The following TPST1 variants were observed in gnomAD, a reference collection of about 807,000 sequenced individuals.
TPST1 encodes the protein tyrosylprotein sulfotransferase 1, also known as protein-tyrosine sulfotransferase 1.
Under a neutral mutation model 34.8 loss-of-function variants are expected in TPST1, and 20 were observed. The observed-to-expected ratio is 0.57, with a 90% CI of 0.40 to 0.84. The LOEUF is 0.84. Ranked by LOEUF, TPST1 falls within the 40% of genes least tolerant of loss-of-function variation. The probability of loss-of-function intolerance (pLI) is 0.00; values close to 1 mark genes in which losing one functional copy is unlikely to be tolerated. For synonymous variants in TPST1, 152 were observed against 159.4 expected (o/e 0.95, Z 0.35); for missense variants, 353 against 455.5 (o/e 0.78, Z 2.05).
intron 2 of TPST1, among the ~76,000 whole-genome samples, chr7:66,249,903 C>G (rs538352295): frequency 2.0e-5 from 3 of 152,216 alleles, no homozygotes; most frequent in Non-Finnish European, 4.4e-5. Context: ...AGGAAGATCT[C>G]TCCAAGGCCC....
chr7:66,342,575 G>T (rs1792259141), intron 3 of TPST1, among the ~76,000 whole-genome samples: 1 of 152,152 alleles, frequency 6.6e-6, no homozygotes, highest in Non-Finnish European at 1.5e-5. Flanking sequence ...GGTTTATTTG[G>T]CTCACATTTC....
intron 3 of TPST1, among the ~76,000 whole-genome samples, chr7:66,319,959 T>C (rs1043930117): frequency 2.0e-5 from 3 of 152,186 alleles, no homozygotes; most frequent in Non-Finnish European, 4.4e-5. Context: ...TTTACTTTTC[T>C]CCAAAGATAA....
rs1349389125 is a variant in TPST1 at position 66,205,999 on chromosome 7, C to T, written c.-102+477C>T. Reference sequence around the variant, plus strand: ...GGTCTTGCCCTTTTGCTCCTAAGCACCTTCCTTTCCCAACTCGCCTCTTCT... The same window carrying T: ...GGTCTTGCCCTTTTGCTCCTAAGCATCTTCCTTTCCCAACTCGCCTCTTCT... On this transcript the variant is annotated intron_variant, in intron 1 of 5. Coordinates refer to ENST00000304842, the MANE Select transcript of TPST1 (RefSeq NM_003596.4). This position sits in a 1 kb window ranked among gnomAD's most constrained non-coding sequence, Gnocchi z 5.0. 1 of 152,762 alleles carries T rather than the reference C, an allele frequency of 6.5e-6. No individual in the cohort carries two copies. The highest frequency in any genetic ancestry group is 1.9e-4 in the East Asian group (1 of 5,196). 9.5% of individuals were successfully genotyped at this position (152,762 alleles called of 1,614,324 possible).
rs192746392 is a variant in TPST1, at chr7:66,211,197, C to T, written c.-102+5675C>T. Among the ~76,000 whole-genome samples, 371 of 151,820 alleles carry T rather than the reference C, an allele frequency of 2.4e-3. 4 individuals carry two copies. Among genetic ancestry groups the T allele is most frequent in the South Asian group, 0.022 (107 of 4,808 alleles). On this transcript the variant is annotated intron_variant, in intron 1 of 5. Coordinates refer to ENST00000304842, the MANE Select transcript of TPST1 (RefSeq NM_003596.4). ...TTGCCCAGGCTGGAGTGCAATGGCGCGATCTTGGCTCACCGCAACCTCCGC... is the reference window on the plus strand; with the variant it reads ...TTGCCCAGGCTGGAGTGCAATGGCGTGATCTTGGCTCACCGCAACCTCCGC...
In TPST1 at chr7:66,253,780, A is replaced by G. The variant is rs571743551; in HGVS notation, c.845+12510A>G. ...TAGCCAGGCGCGGTGGCTTATGCCT[A>G]TAATCCCAGCACTTTGGGAGGCTGA... On this transcript the variant is annotated intron_variant, in intron 2 of 5. Coordinates refer to ENST00000304842, the MANE Select transcript of TPST1 (RefSeq NM_003596.4). 3.3e-3 allele frequency among the ~76,000 whole-genome samples: 494 copies of G among 151,722 alleles called. 3 individuals carry two copies. Among genetic ancestry groups the G allele is most frequent in the African/African-American group, 8.5e-3 (351 of 41,434 alleles).
At chr7:66,350,234 C>T (rs1334460650) in intron 3 of TPST1, among the ~76,000 whole-genome samples, 4 of 152,118 alleles carry the variant, frequency 2.6e-5, no homozygotes, top group African/African-American at 4.8e-5. Context: ...AGGCTGGTCT[C>T]GAACTCCTGA....
chr7:66,339,833 TAAA>T (rs71526540), intron 3 of TPST1, among the ~76,000 whole-genome samples: 4 of 112,480 alleles, frequency 3.6e-5, no homozygotes, highest in Non-Finnish European at 1.8e-5. Flanking sequence ...CCCCTCAACC[TAAA>T]AAAAAAAAAA....
At chr7:66,347,048 C>T (rs1792366289) in intron 3 of TPST1, among the ~76,000 whole-genome samples, 1 of 112,182 alleles carries the variant, frequency 8.9e-6, no homozygotes, top group African/African-American at 3.5e-5. Context: ...TTCTTTTTTT[C>T]CTTTGCTTTT....
At chr7:66,287,155 T>C (rs1484078879) in intron 3 of TPST1, among the ~76,000 whole-genome samples, 1 of 138,824 alleles carries the variant, frequency 7.2e-6, no homozygotes, top group African/African-American at 2.8e-5. Flanking sequence ...GTTTCCAGTT[T>C]CATCCATGTC....
At chr7:66,253,507 G>C (rs1477866141) in intron 2 of TPST1, among the ~76,000 whole-genome samples, 1 of 151,732 alleles carries the variant, frequency 6.6e-6, no homozygotes, top group Non-Finnish European at 1.5e-5. Flanking sequence ...GAGTAGCTGG[G>C]ACTACAGGCG....
At chr7:66,224,350 T>C (rs945087282) in intron 1 of TPST1, among the ~76,000 whole-genome samples, 2 of 152,228 alleles carry the variant, frequency 1.3e-5, no homozygotes, top group Non-Finnish European at 2.9e-5. Flanking sequence ...GACTGGACTT[T>C]AGTCAGCAGG....
chr7:66,279,495 C>G (rs996640507), intron 2 of TPST1, among the ~76,000 whole-genome samples: 2 of 152,184 alleles, frequency 1.3e-5, no homozygotes, highest in African/African-American at 4.8e-5. Context: ...TTTGAGAAAT[C>G]TTCGAACTGC....
At chr7:66,203,000 C>T (rs112322440), upstream of TPST1, among the ~76,000 whole-genome samples, 51 of 152,178 alleles carry the variant, frequency 3.4e-4, 4 homozygotes, top group African/African-American at 1.2e-3. Flanking sequence ...CACTTGAACT[C>T]GGGAGGCGGA....
intron 1 of TPST1, among the ~76,000 whole-genome samples, chr7:66,233,525 C>T (rs1182612254): frequency 6.6e-6 from 1 of 152,144 alleles, no homozygotes; most frequent in Non-Finnish European, 1.5e-5. Flanking sequence ...CATCGTATTT[C>T]CAGATAATTC....
intron 3 of TPST1, among the ~76,000 whole-genome samples, chr7:66,318,008 A>G (rs1791668963): frequency 6.6e-6 from 1 of 152,140 alleles, no homozygotes; most frequent in African/African-American, 2.4e-5. Flanking sequence ...AAAATATAAA[A>G]ATTAGCCAGG....
intron 5 of TPST1, among the ~76,000 whole-genome samples, chr7:66,358,808 C>T (rs1315640923): frequency 6.6e-6 from 1 of 152,188 alleles, no homozygotes; most frequent in Non-Finnish European, 1.5e-5. Context: ...GGTAATCTCC[C>T]TGCCCGCCCC....
intron 1 of TPST1, among the ~76,000 whole-genome samples, chr7:66,230,466 GTTTC>G: frequency 6.6e-6 from 1 of 152,192 alleles, no homozygotes; most frequent in African/African-American, 2.4e-5. Context: ...TGTGTTCGGA[GTTTC>G]TTCCTTCTGG....
intron 1 of TPST1, among the ~76,000 whole-genome samples, chr7:66,206,212 G>A (rs1449063477): frequency 6.7e-6 from 1 of 149,860 alleles, no homozygotes; most frequent in African/African-American, 2.5e-5. Flanking sequence ...TTCTGCCTCG[G>A]CCTCCAAAGT....
chr7:66,275,164 A>C (rs1790781490), intron 2 of TPST1, among the ~76,000 whole-genome samples: 1 of 152,232 alleles, frequency 6.6e-6, no homozygotes, highest in African/African-American at 2.4e-5. Context: ...ACTGCACTCC[A>C]GCCTGGGTGA....
Sources: allele counts gnomAD v4.1 joint callset (sites outside exome capture counted in the v4.1 genomes callset), GRCh38; gene constraint gnomAD v4.1.1; non-coding constraint Gnocchi (gnomAD v3.1); transcripts MANE v1.5; gene names NCBI Gene and HGNC (gene_info 2026-07-23, HGNC 2026-07-21).